TRPM7: variants seen among roughly 807,000 people sequenced by gnomAD.
TRPM7 encodes the protein transient receptor potential cation channel subfamily M member 7, also known as LTRPC ion channel family member 7.
TRPM7 carries 134 observed loss-of-function variants against 229.7 expected under a neutral mutation model. The ratio of observed to expected loss-of-function variants is 0.58; its 90% CI spans 0.51 to 0.67. The LOEUF is 0.67. Ranked by LOEUF, TRPM7 falls within the 30% of genes least tolerant of loss-of-function variation. The pLI is 0.00. For synonymous variants in TRPM7, 699 were observed against 715.2 expected, an observed-to-expected ratio of 0.98 and a Z score of 0.36; for missense variants, 1,901 against 2,210.0, an observed-to-expected ratio of 0.86 and a Z score of 2.80.
intron 1 of TRPM7, among the ~76,000 whole-genome samples, chr15:50,671,951 T>C (rs2061998023): frequency 6.6e-6 from 1 of 151,750 alleles, no homozygotes; most frequent in South Asian, 2.1e-4. Flanking sequence ...CTATGTACAG[T>C]ACATAATACT....
Position 50,574,256 on chromosome 15 carries a change from A to G in TRPM7, c.5308+18T>C, listed in dbSNP as rs1356015822. ...CCTACTGCAGAATTTCACCTTAGCA[A>G]TATTTTAATAAATTTACCTTGCAAA... On this transcript the variant is annotated intron_variant, in intron 36 of 38. Coordinates refer to ENST00000646667, the MANE Select transcript of TRPM7 (RefSeq NM_017672.6). 1.9e-6 allele frequency: 3 copies of G among 1,596,218 alleles called. No individual in the cohort carries two copies. Among genetic ancestry groups the G allele is most frequent in the South Asian group, 1.1e-5 (1 of 90,728 alleles).
rs368494979 is a variant in TRPM7 at position 50,643,558 on chromosome 15, A to T, written c.322-5T>A. 6.2e-7 allele frequency: 1 copy of T among 1,610,126 alleles called. No individual in the cohort carries two copies. The highest frequency in any genetic ancestry group is 8.5e-7 in the Non-Finnish European group (1 of 1,177,258). The stretch of plus-strand genomic sequence containing the variant: ...GTCATATGATAGCCTCACATACTAG[A>T]AAAAGATTTTAAAAGGAGAAAATAA... On this transcript the variant is annotated splice_polypyrimidine_tract_variant and splice_region_variant and intron_variant, in intron 4 of 38. Coordinates refer to ENST00000646667, the MANE Select transcript of TRPM7 (RefSeq NM_017672.6).
intron 1 of TRPM7, among the ~76,000 whole-genome samples, chr15:50,668,510 G>C (rs1291850721): frequency 6.6e-6 from 1 of 151,896 alleles, no homozygotes; most frequent in African/African-American, 2.4e-5. Context: ...ATTTGTTTTT[G>C]TTTTTTGTTT....
rs950419611 is a variant in TRPM7, at chr15:50,560,760, G to A, written c.*918C>T. 2.0e-5 allele frequency: 3 copies of A among 152,516 alleles called. No individual in the cohort carries two copies. The highest frequency in any genetic ancestry group is 2.9e-5 in the Non-Finnish European group (2 of 68,018). 9.4% of individuals were successfully genotyped at this position (152,516 alleles called of 1,614,324 possible). ...TGTTCCAACACAATTTTAAATATAT[G>A]CAAGAGTTCATGTTTACATTCTGAT... On this transcript the variant is annotated 3_prime_UTR_variant, in exon 39 of 39. Coordinates refer to ENST00000646667, the MANE Select transcript of TRPM7 (RefSeq NM_017672.6).
intron 3 of TRPM7, among the ~76,000 whole-genome samples, chr15:50,657,046 G>A (rs62017202): frequency 0.15 from 22,255 of 152,066 alleles, 2,218 homozygotes; most frequent in Admixed American, 0.28. Context: ...AAAATCAGCC[G>A]GGCCTGGTGG....
intron 21 of TRPM7, chr15:50,604,049 G>A (rs941988614): frequency 1.3e-5 from 2 of 152,090 alleles, no homozygotes; most frequent in African/African-American, 4.8e-5. Flanking sequence ...AATAGCAATA[G>A]CTATATTACA....
intron 29 of TRPM7, among the ~76,000 whole-genome samples, chr15:50,581,563 C>T (rs57002197): frequency 0.35 from 52,825 of 150,956 alleles, 10,438 homozygotes; most frequent in Admixed American, 0.48. Flanking sequence ...AAAATACAAA[C>T]AGAAAAATTA....
intron 1 of TRPM7, among the ~76,000 whole-genome samples, chr15:50,681,928 T>A (rs1342992443): frequency 6.6e-6 from 1 of 152,100 alleles, no homozygotes; most frequent in Non-Finnish European, 1.5e-5. Flanking sequence ...ACGCCTGTAA[T>A]CCCAGCACTT....
intron 38 of TRPM7, among the ~76,000 whole-genome samples, chr15:50,567,196 CTTTAAG>C: frequency 6.6e-6 from 1 of 151,610 alleles, no homozygotes; most frequent in East Asian, 1.9e-4. Context: ...TATTATTATA[CTTTAAG>C]TTTTAGGGTA....
Position 50,613,776 on chromosome 15 carries a change from A to G in TRPM7, c.1701T>C (p.Asn567=). The part of the protein sequence containing the change: ...QLRKSHESFG[N]RADKKEKMRH... ...TCATTTTTTCCTTTTTATCTGCCCT[A>G]TTGCCAAAAGATTCATGACTCTTTC... is the stretch of plus-strand genomic sequence containing the variant. The change falls in exon 15 of 39, where the codon AAT becomes AAC. Residue 567 remains asparagine (N), a synonymous_variant. Coordinates refer to ENST00000646667, the MANE Select transcript of TRPM7 (RefSeq NM_017672.6). 1 of 1,613,936 alleles carries G rather than the reference A, an allele frequency of 6.2e-7. No homozygotes were observed. The highest frequency in any genetic ancestry group is 8.5e-7 in the Non-Finnish European group (1 of 1,179,936).
chr15:50,630,748 C>T (rs2060707231), intron 10 of TRPM7, among the ~76,000 whole-genome samples: 1 of 152,168 alleles, frequency 6.6e-6, no homozygotes, highest in Non-Finnish European at 1.5e-5. Context: ...TAATGGCTCA[C>T]TGTAACCTCA....
At chr15:50,618,569 C>CAATAAATAAATA (rs112152993) in intron 13 of TRPM7, among the ~76,000 whole-genome samples, 89 of 142,066 alleles carry the variant, frequency 6.3e-4, no homozygotes, top group East Asian at 1.9e-3. Flanking sequence ...GATTCCGTCT[C>CAATAAATAAATA]AATAAATAAA....
At chr15:50,612,461 C>T (rs2060086669) in intron 16 of TRPM7, 88 bp downstream of exon 16, 3 of 1,113,050 alleles carry the variant, frequency 2.7e-6, no homozygotes, top group Non-Finnish European at 3.9e-6. Flanking sequence ...AAATACATCA[C>T]CATTAAGTAC....
At chr15:50,667,115 G>A (rs1314067075) in intron 1 of TRPM7, among the ~76,000 whole-genome samples, 3 of 152,088 alleles carry the variant, frequency 2.0e-5, no homozygotes, top group African/African-American at 4.8e-5. Context: ...ATAGACTGCA[G>A]CATTGATTGG....
At chr15:50,685,701 G>T (rs1232427235) in intron 1 of TRPM7, among the ~76,000 whole-genome samples, 1 of 152,088 alleles carries the variant, frequency 6.6e-6, no homozygotes, top group Non-Finnish European at 1.5e-5. Context: ...TGATGTAAAT[G>T]ACTTTCTTAA....
intron 13 of TRPM7, among the ~76,000 whole-genome samples, chr15:50,616,507 C>T (rs1300288174): frequency 6.6e-6 from 1 of 152,072 alleles, no homozygotes; most frequent in East Asian, 1.9e-4. Flanking sequence ...ATAAGCAAAT[C>T]ATTAGATTAA....
Position 50,664,183 on chromosome 15 carries a change from A to G in TRPM7, c.4-1137T>C, listed in dbSNP as rs548757068. On this transcript the variant is annotated intron_variant, in intron 1 of 38. Coordinates refer to ENST00000646667, the MANE Select transcript of TRPM7 (RefSeq NM_017672.6). ...TGTGGTGGCGTGTGCCTGTAATCCCAGCTACTCCGGAGGCTGAGGCAGGAG... is the reference window on the plus strand; with the variant it reads ...TGTGGTGGCGTGTGCCTGTAATCCCGGCTACTCCGGAGGCTGAGGCAGGAG... Among the ~76,000 whole-genome samples the G allele has an allele frequency of 2.6e-5, 4 of 151,882 alleles. No individual in the cohort carries two copies. In the East Asian group the frequency reaches 7.8e-4, roughly 29 times the overall value.
At chr15:50,637,690 A>G in intron 6 of TRPM7, 97 bp from the exon 7 acceptor site, 1 of 1,095,430 alleles carries the variant, frequency 9.1e-7, no homozygotes. Context: ...GTAAGAAGTA[A>G]AATTCTATTT....
At chr15:50,635,803 C>T (rs1246349941) in intron 7 of TRPM7, among the ~76,000 whole-genome samples, 2 of 151,400 alleles carry the variant, frequency 1.3e-5, no homozygotes, top group Non-Finnish European at 2.9e-5. Flanking sequence ...ATAGTGAAAC[C>T]TCCTATCTAC....
Sources: allele counts gnomAD v4.1 joint callset (sites outside exome capture counted in the v4.1 genomes callset), GRCh38; gene constraint gnomAD v4.1.1; transcripts MANE v1.5; gene names NCBI Gene and HGNC (gene_info 2026-07-23, HGNC 2026-07-21).